CDK14: variants seen among roughly 807,000 people sequenced by gnomAD.
CDK14 encodes the protein cyclin-dependent kinase 14.
Under a neutral mutation model 60.7 loss-of-function variants are expected in CDK14, and 34 were observed. That is an observed-to-expected ratio of 0.56 (90% CI 0.43 to 0.75). The LOEUF (loss-of-function observed/expected upper bound fraction) is 0.75, where lower values mean the gene tolerates loss of function less well. Among genes scored for constraint, CDK14 ranks in the 30% least tolerant of loss-of-function variants. CDK14 has a pLI of 0.00. For missense variants in CDK14, 482 were observed against 564.1 expected, an observed-to-expected ratio of 0.85 and a Z score of 1.47; for synonymous variants, 197 against 203.7, an observed-to-expected ratio of 0.97 and a Z score of 0.28.
At chr7:91,145,403 A>G (rs1800595039) in intron 14 of CDK14, among the ~76,000 whole-genome samples, 1 of 152,238 alleles carries the variant, frequency 6.6e-6, no homozygotes. Context: ...GCCACACTGC[A>G]CATAAGAAAG....
intron 8 of CDK14, among the ~76,000 whole-genome samples, chr7:90,936,961 C>T (rs1013511972): frequency 6.6e-6 from 1 of 151,836 alleles, no homozygotes; most frequent in African/African-American, 2.4e-5. Context: ...CACCTGTAGT[C>T]CTAGCTATTT....
chr7:91,056,360 G>A (rs1269917783), intron 11 of CDK14, among the ~76,000 whole-genome samples: 1 of 152,076 alleles, frequency 6.6e-6, no homozygotes, highest in Non-Finnish European at 1.5e-5. Context: ...AGAACAGCAT[G>A]GTGTTCGGTA....
chr7:91,052,396 C>T (rs1797418040), intron 11 of CDK14, among the ~76,000 whole-genome samples: 1 of 152,168 alleles, frequency 6.6e-6, no homozygotes, highest in Non-Finnish European at 1.5e-5. Flanking sequence ...TCTCATTGCC[C>T]TGCTAAAGAA....
intron 10 of CDK14, among the ~76,000 whole-genome samples, chr7:91,029,166 G>C (rs1002999850): frequency 6.6e-6 from 1 of 152,000 alleles, no homozygotes; most frequent in African/African-American, 2.4e-5. Flanking sequence ...GTCCAGTTTT[G>C]TTCCTCTGAA....
chr7:90,910,971 C>G lies in CDK14; in HGVS notation c.703-6630C>G, dbSNP rs866831555. Among the ~76,000 whole-genome samples the G allele has an allele frequency of 7.9e-5, 12 of 152,204 alleles. No homozygotes were observed. The South Asian group carries it at 1.2e-3, about 16-fold the overall frequency. ...CTGGTAGGCCACAGTGTGTGTTTTT[C>G]CCCTCTCTGTGCCCATGTGTTCTCA... On this transcript the variant is annotated intron_variant, in intron 7 of 14. Coordinates refer to ENST00000380050, the MANE Select transcript of CDK14 (RefSeq NM_001287135.2).
intron 14 of CDK14, among the ~76,000 whole-genome samples, chr7:91,164,651 T>C (rs1801288285): frequency 6.6e-6 from 1 of 152,178 alleles, no homozygotes; most frequent in Admixed American, 6.5e-5. Context: ...GTTGGCATAA[T>C]AGCAGCTGGC....
At chr7:90,962,598 G>T (rs1219535648) in intron 9 of CDK14, among the ~76,000 whole-genome samples, 1 of 152,090 alleles carries the variant, frequency 6.6e-6, no homozygotes, top group African/African-American at 2.4e-5. Context: ...CATATGCTTG[G>T]TCATTTATTG....
chr7:91,110,134 G>A (rs762198095), intron 12 of CDK14, among the ~76,000 whole-genome samples: 1 of 151,842 alleles, frequency 6.6e-6, no homozygotes, highest in Non-Finnish European at 1.5e-5. Context: ...TAACAACTTA[G>A]GTAGACCGAA....
chr7:91,121,203 C>T (rs139319964), intron 14 of CDK14, among the ~76,000 whole-genome samples: 8 of 152,134 alleles, frequency 5.3e-5, no homozygotes, highest in African/African-American at 1.9e-4. Context: ...TTTGATTTTG[C>T]GTTGCTGTTG....
At chr7:91,091,345 G>A (rs1237244236) in intron 12 of CDK14, among the ~76,000 whole-genome samples, 2 of 139,350 alleles carry the variant, frequency 1.4e-5, no homozygotes, top group African/African-American at 2.7e-5. Context: ...ATACATATAT[G>A]TGTATATAAA....
At chr7:90,769,171 T>C (rs1804685441) in intron 4 of CDK14, among the ~76,000 whole-genome samples, 1 of 152,234 alleles carries the variant, frequency 6.6e-6, no homozygotes, top group African/African-American at 2.4e-5. Context: ...TTTTCTGGGC[T>C]AGCATTTGTA....
chr7:91,192,836 C>T (rs1327306977), intron 14 of CDK14, among the ~76,000 whole-genome samples: 1 of 152,154 alleles, frequency 6.6e-6, no homozygotes, highest in Non-Finnish European at 1.5e-5. Flanking sequence ...AAATCTTCTA[C>T]TTAGCTCCCC....
intron 5 of CDK14, among the ~76,000 whole-genome samples, chr7:90,857,237 C>T (rs1790853775): frequency 6.6e-6 from 1 of 151,940 alleles, no homozygotes; most frequent in Non-Finnish European, 1.5e-5. Flanking sequence ...TTCATTTCTT[C>T]CAAGTTGGAG....
At chr7:91,183,519 T>A (rs150692062) in intron 14 of CDK14, among the ~76,000 whole-genome samples, 6 of 152,192 alleles carry the variant, frequency 3.9e-5, no homozygotes, top group African/African-American at 1.4e-4. Flanking sequence ...CTTTATTCTC[T>A]CATCTCATGC....
intron 4 of CDK14, among the ~76,000 whole-genome samples, chr7:90,772,963 A>G (rs1432336728): frequency 6.6e-6 from 1 of 152,184 alleles, no homozygotes; most frequent in Non-Finnish European, 1.5e-5. Context: ...TAAGATTACT[A>G]TTGGTGAAAA....
intron 14 of CDK14, among the ~76,000 whole-genome samples, chr7:91,173,318 G>A (rs944060639): frequency 2.6e-5 from 4 of 152,126 alleles, no homozygotes; most frequent in Admixed American, 2.0e-4. Context: ...CAGTTTTGGG[G>A]TGCGATGGCA....
Position 90,903,867 on chromosome 7 carries a change from G to A in CDK14, c.702+4514G>A, listed in dbSNP as rs149494528. ...TATTAATAAAAATATACTTTAAAAA[G>A]TATCTTTACGCAGGAAATGTGGGCA... is the stretch of plus-strand genomic sequence containing the variant. On this transcript the variant is annotated intron_variant, in intron 7 of 14. Transcript: ENST00000380050. Among the ~76,000 whole-genome samples the A allele has an allele frequency of 6.1e-3, 928 of 152,194 alleles. 7 individuals carry two copies. The highest frequency in any genetic ancestry group is 0.02 in the African/African-American group (832 of 41,534).
chr7:90,704,397 A>T (rs1266248262), intron 2 of CDK14, among the ~76,000 whole-genome samples: 2 of 152,236 alleles, frequency 1.3e-5, no homozygotes, highest in Admixed American at 6.5e-5. Flanking sequence ...CATCCATTGT[A>T]TGCAAAATTG....
chr7:90,892,109 TC>T (rs558342861), intron 6 of CDK14, among the ~76,000 whole-genome samples: 127 of 152,350 alleles, frequency 8.3e-4, no homozygotes, highest in African/African-American at 2.9e-3. Flanking sequence ...GGTCTGAGTT[TC>T]AGATAGCTTT....
Sources: gnomAD v4.1 joint callset for allele counts (sites outside exome capture counted in the v4.1 genomes callset) on GRCh38, gnomAD v4.1.1 for gene constraint, MANE v1.5 for transcripts, NCBI Gene and HGNC (gene_info 2026-07-23, HGNC 2026-07-21) for gene names.